SPAST: variants seen among roughly 807,000 people sequenced by gnomAD.
SPAST encodes the protein spastic paraplegia 4 (autosomal dominant; spastin).
In SPAST, 30 loss-of-function variants were observed where a neutral mutation model predicts 76.6. The ratio of observed to expected loss-of-function variants is 0.39; its 90% CI spans 0.29 to 0.53. The LOEUF is 0.53. SPAST is among the 20% of genes least tolerant of loss of function. SPAST has a pLI of 0.68. For synonymous variants in SPAST, 305 were observed against 281.0 expected (o/e 1.09, Z -0.86); for missense variants, 717 against 770.5 (o/e 0.93, Z 0.82).
At chr2:32,154,254 A>G in intron 16 of SPAST, 120 bp from the exon 17 acceptor site, 1 of 830,318 alleles carries the variant, frequency 1.2e-6, no homozygotes. Flanking sequence ...CTAAGAATAC[A>G]TACACGTATA....
At chr2:32,150,780 T>A (rs761144328) in intron 16 of SPAST, among the ~76,000 whole-genome samples, 1 of 152,112 alleles carries the variant, frequency 6.6e-6, no homozygotes, top group Non-Finnish European at 1.5e-5. Context: ...CACCATTTTT[T>A]AAAAGTCATA....
intron 9 of SPAST, among the ~76,000 whole-genome samples, chr2:32,134,283 A>T (rs1020957644): frequency 1.3e-5 from 2 of 152,124 alleles, no homozygotes; most frequent in African/African-American, 2.4e-5. Flanking sequence ...CAGGCGAATC[A>T]CAAGGTCAGG....
intron 2 of SPAST, 21 bp downstream of exon 2, chr2:32,087,599 A>G (rs767335964): frequency 1.0e-5 from 13 of 1,265,662 alleles, no homozygotes; most frequent in Non-Finnish European, 1.0e-5. Context: ...ATTTGTTTAT[A>G]GCCATCCCAA....
chr2:32,111,475 TATAC>T (rs1414924906), intron 4 of SPAST, among the ~76,000 whole-genome samples: 3 of 150,172 alleles, frequency 2.0e-5, no homozygotes, highest in African/African-American at 7.3e-5. Flanking sequence ...TATAGTTACA[TATAC>T]ATATAGTTAT....
intron 3 of SPAST, among the ~76,000 whole-genome samples, chr2:32,096,224 CAGG>C (rs1677909171): frequency 2.3e-5 from 3 of 129,794 alleles, no homozygotes; most frequent in Non-Finnish European, 5.4e-5. Flanking sequence ...CACCTGAGGT[CAGG>C]AGTTTGAGAC....
chr2:32,080,964 T>C (rs1677198346), intron 1 of SPAST, among the ~76,000 whole-genome samples: 1 of 151,234 alleles, frequency 6.6e-6, no homozygotes, highest in Admixed American at 6.6e-5. Flanking sequence ...CTGGCTAATT[T>C]TTTTTTTTTT....
intron 1 of SPAST, among the ~76,000 whole-genome samples, chr2:32,075,878 TGAAAAATTCAAAATGCTC>T: frequency 8.6e-6 from 1 of 116,686 alleles, no homozygotes; most frequent in East Asian, 2.9e-4. Context: ...TTTTTTTTAA[TGAAAAATTCAAAATGCTC>T]TTTTTTTTTT....
At chr2:32,119,225 T>C (rs1678939048) in intron 7 of SPAST, among the ~76,000 whole-genome samples, 1 of 152,214 alleles carries the variant, frequency 6.6e-6, no homozygotes, top group African/African-American at 2.4e-5. Context: ...ATTATTGTCC[T>C]AGCTCAGCGT....
intron 1 of SPAST, among the ~76,000 whole-genome samples, chr2:32,068,213 C>T (rs1352111795): frequency 2.0e-5 from 3 of 151,902 alleles, no homozygotes; most frequent in African/African-American, 4.8e-5. Flanking sequence ...CTCCTGACCT[C>T]GTGATCCACC....
At chr2:32,068,911 C>T (rs1676634573) in intron 1 of SPAST, among the ~76,000 whole-genome samples, 1 of 148,136 alleles carries the variant, frequency 6.8e-6, no homozygotes, top group Admixed American at 6.8e-5. Context: ...AAAAAAAAGG[C>T]TGGGCATGGT....
At chr2:32,087,178 G>A (rs951344958) in intron 1 of SPAST, among the ~76,000 whole-genome samples, 1 of 152,062 alleles carries the variant, frequency 6.6e-6, no homozygotes, top group African/African-American at 2.4e-5. Context: ...TTTTTCAAAA[G>A]TATATATACT....
At chr2:32,125,260 G>A (rs1346862590) in intron 7 of SPAST, among the ~76,000 whole-genome samples, 1 of 151,192 alleles carries the variant, frequency 6.6e-6, no homozygotes, top group East Asian at 1.9e-4. Flanking sequence ...TTTCACTCTT[G>A]TTGCCCAGGC....
chr2:32,088,375 T>C (rs1444917498), intron 2 of SPAST, among the ~76,000 whole-genome samples: 3 of 150,054 alleles, frequency 2.0e-5, no homozygotes, highest in Non-Finnish European at 4.4e-5. Flanking sequence ...CCAGGCACAG[T>C]GGCTCATGCC....
chr2:32,085,149 C>T (rs1208017585), intron 1 of SPAST, among the ~76,000 whole-genome samples: 1 of 150,162 alleles, frequency 6.7e-6, no homozygotes, highest in East Asian at 1.9e-4. Flanking sequence ...GGTGAGCATC[C>T]AAATAATTTT....
rs1408714263 is a variant in SPAST, at chr2:32,135,421, G to A, written c.1246-1142G>A. Among the ~76,000 whole-genome samples, 11 of 152,200 alleles carry A rather than the reference G, an allele frequency of 7.2e-5. No individual in the cohort carries two copies. The South Asian group carries it at 8.3e-4, about 12-fold the overall frequency. ...TGGGATTACAGGTCTGAGCCGCCGC[G>A]CCCGGCCTAGAATATTTGTTTCGAT... is the stretch of plus-strand genomic sequence containing the variant. On this transcript the variant is annotated intron_variant, in intron 9 of 16. Transcript: ENST00000315285.
chr2:32,073,579 C>A (rs899465708), intron 1 of SPAST, among the ~76,000 whole-genome samples: 1 of 152,092 alleles, frequency 6.6e-6, no homozygotes, highest in African/African-American at 2.4e-5. Context: ...ATCCTCCCAC[C>A]TCACCCCATA....
chr2:32,083,768 A>ATTTT (rs1553398805), intron 1 of SPAST, among the ~76,000 whole-genome samples: 1 of 51,606 alleles, frequency 1.9e-5, no homozygotes, highest in Non-Finnish European at 3.8e-5. Flanking sequence ...ATATATATAT[A>ATTTT]TATATATATT....
intron 3 of SPAST, among the ~76,000 whole-genome samples, chr2:32,089,996 C>T (rs1478700112): frequency 6.6e-6 from 1 of 152,208 alleles, no homozygotes; most frequent in African/African-American, 2.4e-5. Context: ...CATCTCCTGA[C>T]CTCGTGATCC....
At chr2:32,147,641 TG>T (rs1221834934) in intron 16 of SPAST, among the ~76,000 whole-genome samples, 9 of 145,988 alleles carry the variant, frequency 6.2e-5, no homozygotes, top group South Asian at 2.3e-4. Flanking sequence ...TTTGTTTGTT[TG>T]TTTGTTTGAG....
Sources: allele counts gnomAD v4.1 joint callset (sites outside exome capture counted in the v4.1 genomes callset), GRCh38; gene constraint gnomAD v4.1.1; transcripts MANE v1.5; gene names NCBI Gene and HGNC (gene_info 2026-07-23, HGNC 2026-07-21).